The following GRID2 variants were observed in gnomAD, a reference collection of about 807,000 sequenced individuals.
The protein encoded by GRID2 is glutamate ionotropic receptor delta type subunit 2.
Under a neutral mutation model 114.8 loss-of-function variants are expected in GRID2, and 33 were observed. That is an observed-to-expected ratio of 0.29 (90% confidence interval 0.22 to 0.38). GRID2 has a LOEUF of 0.38. Ranked by LOEUF, GRID2 falls within the 10% of genes least tolerant of loss-of-function variation. GRID2 has a pLI of 1.00. For missense variants in GRID2, 1,184 were observed against 1,257.7 expected (o/e 0.94, Z 0.89); for synonymous variants, 505 against 449.9 (o/e 1.12, Z -1.55).
chr4:93,126,668 G>GCTCA (rs1415559846), intron 4 of GRID2, among the ~76,000 whole-genome samples: 1 of 130,858 alleles, frequency 7.6e-6, no homozygotes, highest in Non-Finnish European at 1.5e-5. Context: ...CGCGATCTCG[G>GCTCA]CTCACTGCAA....
At position 92,925,877 on chromosome 4, in the gene GRID2, A is replaced by T. The variant is rs532132101; in HGVS notation, c.245-159118A>T. On this transcript the variant is annotated intron_variant, in intron 2 of 15. Transcript: ENST00000282020. ...TTTATTTCATTAATTTCACTAGCAC[A>T]GGTTCAAAGGGACAAGAGTTAGTTT... is the stretch of plus-strand genomic sequence containing the variant. Among the ~76,000 whole-genome samples, 223 of 152,130 alleles carry T rather than the reference A, an allele frequency of 1.5e-3. 2 individuals are homozygous for T. The highest frequency in any genetic ancestry group is 7.9e-4 in the Non-Finnish European group (54 of 67,940).
At chr4:92,690,108 AATGGGCACCTGAGGC>A (rs2149292074) in intron 2 of GRID2, among the ~76,000 whole-genome samples, 1 of 152,192 alleles carries the variant, frequency 6.6e-6, no homozygotes, top group Non-Finnish European at 1.5e-5. Context: ...CAGCATGCTT[AATGGGCACCTGAGGC>A]CTAGTTTTGG....
chr4:92,792,202 C>A (rs1739622505), intron 2 of GRID2, among the ~76,000 whole-genome samples: 3 of 151,800 alleles, frequency 2.0e-5, no homozygotes, highest in South Asian at 2.1e-4. Context: ...TGTTTAATTA[C>A]TTACTGTCCA....
chr4:93,204,303 T>A (rs1428288695), intron 4 of GRID2, among the ~76,000 whole-genome samples: 22 of 152,090 alleles, frequency 1.4e-4, no homozygotes, highest in Non-Finnish European at 1.5e-5. Flanking sequence ...ATAGACTCTT[T>A]CTTAAAAATG....
intron 2 of GRID2, among the ~76,000 whole-genome samples, chr4:92,743,485 G>A (rs893927524): frequency 6.6e-6 from 1 of 152,186 alleles, no homozygotes; most frequent in African/African-American, 2.4e-5. Flanking sequence ...GACAGCCAAT[G>A]CTATGTAAGT....
chr4:92,754,049 A>G (rs905835939), intron 2 of GRID2, among the ~76,000 whole-genome samples: 4 of 152,196 alleles, frequency 2.6e-5, no homozygotes, highest in African/African-American at 9.6e-5. Context: ...TCGTTTACAT[A>G]TTTGCTAATG....
chr4:92,921,308 T>C (rs909714843), intron 2 of GRID2, among the ~76,000 whole-genome samples: 2 of 152,022 alleles, frequency 1.3e-5, no homozygotes, highest in Non-Finnish European at 2.9e-5. Context: ...CCTCCTTTAG[T>C]GCAGAGTAGT....
intron 2 of GRID2, among the ~76,000 whole-genome samples, chr4:92,920,249 G>A (rs111664167): frequency 5.9e-5 from 9 of 152,152 alleles, no homozygotes; most frequent in Middle Eastern, 6.8e-3. Context: ...ATCTCTGCAC[G>A]TGAGATAGGT....
At chr4:93,257,358 C>T (rs1749709621) in intron 8 of GRID2, among the ~76,000 whole-genome samples, 1 of 151,742 alleles carries the variant, frequency 6.6e-6, no homozygotes, top group African/African-American at 2.4e-5. Flanking sequence ...ATGCATTTCA[C>T]TTCAGTGCAA....
At chr4:92,342,265 T>A (rs1727534576) in intron 1 of GRID2, among the ~76,000 whole-genome samples, 1 of 151,986 alleles carries the variant, frequency 6.6e-6, no homozygotes, top group Non-Finnish European at 1.5e-5. Flanking sequence ...TTGGAGAAAA[T>A]AAGTTATATG....
At chr4:93,732,519 A>G (rs760947033) in intron 14 of GRID2, among the ~76,000 whole-genome samples, 56 of 152,064 alleles carry the variant, frequency 3.7e-4, no homozygotes, top group Non-Finnish European at 6.8e-4. Context: ...TTACAGGAAT[A>G]TATTTTATTT....
chr4:93,554,591 C>G (rs1042252694), intron 13 of GRID2, among the ~76,000 whole-genome samples: 1 of 152,070 alleles, frequency 6.6e-6, no homozygotes, highest in Admixed American at 6.6e-5. Flanking sequence ...TTGGTACAAA[C>G]AGACACACAT....
At chr4:93,612,110 T>C (rs1740994922) in intron 13 of GRID2, among the ~76,000 whole-genome samples, 2 of 152,146 alleles carry the variant, frequency 1.3e-5, no homozygotes, top group African/African-American at 4.8e-5. Context: ...TAAAGTCTGT[T>C]TTATCAGAGA....
At chr4:93,414,684 T>TA (rs1257715186) in intron 9 of GRID2, among the ~76,000 whole-genome samples, 4 of 80,774 alleles carry the variant, frequency 5.0e-5, no homozygotes, top group African/African-American at 1.1e-4. Flanking sequence ...CATCTGACAT[T>TA]TTATATATAT....
intron 2 of GRID2, among the ~76,000 whole-genome samples, chr4:92,607,670 A>C (rs1729525075): frequency 6.6e-6 from 1 of 151,920 alleles, no homozygotes. Context: ...ATGGCCAAAC[A>C]CCAGGCAGTA....
At chr4:93,546,826 A>G (rs1309632714) in intron 13 of GRID2, among the ~76,000 whole-genome samples, 4 of 152,158 alleles carry the variant, frequency 2.6e-5, no homozygotes, top group African/African-American at 9.7e-5. Context: ...TTTAAAGAGT[A>G]ATATTAATAT....
At chr4:92,549,700 C>T (rs952368677) in intron 1 of GRID2, among the ~76,000 whole-genome samples, 1 of 152,140 alleles carries the variant, frequency 6.6e-6, no homozygotes, top group Admixed American at 6.6e-5. Flanking sequence ...CTAAGATTCA[C>T]AGTTTAGGTT....
At chr4:92,759,563 A>T (rs1737888155) in intron 2 of GRID2, among the ~76,000 whole-genome samples, 1 of 152,030 alleles carries the variant, frequency 6.6e-6, no homozygotes, top group Non-Finnish European at 1.5e-5. Flanking sequence ...GTAATATCAA[A>T]TATATGTTAT....
At chr4:93,117,309 T>G (rs747098883) in intron 4 of GRID2, among the ~76,000 whole-genome samples, 6 of 152,128 alleles carry the variant, frequency 3.9e-5, no homozygotes, top group Non-Finnish European at 8.8e-5. Context: ...CACCTATTTA[T>G]TTAGAAGAGA....
Sources: gnomAD v4.1 joint callset for allele counts (sites outside exome capture counted in the v4.1 genomes callset) on GRCh38, gnomAD v4.1.1 for gene constraint, MANE v1.5 for transcripts, NCBI Gene and HGNC (gene_info 2026-07-23, HGNC 2026-07-21) for gene names.